The following TSC22D3 variants were observed in gnomAD, a reference collection of about 807,000 sequenced individuals.
TSC22D3 encodes TSC22 domain family protein 3.
A neutral mutation model predicts 11.1 loss-of-function variants in TSC22D3; 4 were observed. That is an observed-to-expected ratio of 0.36 (90% CI 0.18 to 0.83). The LOEUF is 0.83. Ranked by LOEUF, TSC22D3 falls within the 40% of genes least tolerant of loss-of-function variation. The pLI, the probability that TSC22D3 is intolerant of heterozygous loss-of-function variation, is 0.48. For synonymous variants in TSC22D3, 77 were observed against 70.3 expected (o/e 1.10, Z -0.48); for missense variants, 118 against 159.4 (o/e 0.74, Z 1.40).
At chrX:107,762,618 C>T (rs1358553308) in intron 1 of TSC22D3, among the ~76,000 whole-genome samples, 1 of 110,295 alleles carries the variant, frequency 9.1e-6, no homozygotes, top group African/African-American at 3.3e-5. Context: ...CATCAGCTTC[C>T]CCATATGTAT....
Position 107,714,232 on chromosome X carries a change from A to T in TSC22D3, c.*287T>A. The T allele has an allele frequency of 3.6e-6, 1 of 279,055 alleles. No individual in the cohort carries two copies. Among genetic ancestry groups the T allele is most frequent in the Non-Finnish European group, 6.4e-6 (1 of 157,075 alleles). The allele number at this position is 279,055 out of a possible 1,213,427, so 23.0% of individuals were successfully genotyped here. On this transcript the variant is annotated 3_prime_UTR_variant, in exon 3 of 3. Transcript: ENST00000372383. ...ACTACCCTTCTCCTTTGCCAGTTGC[A>T]GCTAAGTTGCCCAGGCCCTGGGAGC...
intron 1 of TSC22D3, among the ~76,000 whole-genome samples, chrX:107,743,154 G>A (rs1223969006): frequency 1.8e-5 from 2 of 112,777 alleles, no homozygotes; most frequent in Non-Finnish European, 3.8e-5. Flanking sequence ...CCTGAGCTAC[G>A]GGAGAAGCCA....
chrX:107,765,506 C>T (rs770956466), intron 1 of TSC22D3, among the ~76,000 whole-genome samples: 75 of 111,853 alleles, frequency 6.7e-4, no homozygotes, highest in African/African-American at 1.6e-3. Context: ...AATCCTCAGT[C>T]GGTACTCAAT....
At chrX:107,733,796 C>T (rs563118684) in intron 1 of TSC22D3, among the ~76,000 whole-genome samples, 14 of 112,165 alleles carry the variant, frequency 1.2e-4, no homozygotes, top group African/African-American at 4.5e-4. Context: ...TCCAAAAACA[C>T]ACCATTGTTT....
chrX:107,766,469 TC>T (rs1929663881), intron 1 of TSC22D3, among the ~76,000 whole-genome samples: 1 of 16,074 alleles, frequency 6.2e-5, no homozygotes, highest in Non-Finnish European at 1.2e-4. Context: ...CCCCAACAAC[TC>T]CCCCCACCCC....
chrX:107,732,961 C>T (rs1450215910), intron 1 of TSC22D3, among the ~76,000 whole-genome samples: 2 of 110,340 alleles, frequency 1.8e-5, no homozygotes, highest in African/African-American at 6.6e-5. Flanking sequence ...ATTAGCCAGG[C>T]ATGGTGGTGC....
intron 1 of TSC22D3, among the ~76,000 whole-genome samples, chrX:107,739,050 G>A (rs778863832): frequency 3.5e-5 from 4 of 112,970 alleles, no homozygotes; most frequent in African/African-American, 6.4e-5. Context: ...GAAAGGAGAG[G>A]AAATAAGGAA....
chrX:107,715,320 G>A (rs930068532), intron 2 of TSC22D3, among the ~76,000 whole-genome samples: 3 of 112,224 alleles, frequency 2.7e-5, no homozygotes, highest in Non-Finnish European at 3.8e-5. Flanking sequence ...CAGAACTGCC[G>A]CATCCTCTCT....
Position 107,775,201 on chromosome X carries a change from C to G in TSC22D3, c.219G>C (p.Ser73=), listed in dbSNP as rs773984814. 1.2e-5 allele frequency: 15 copies of G among 1,211,967 alleles called. No homozygotes were observed. The highest frequency in any genetic ancestry group is 1.7e-5 in the Non-Finnish European group (15 of 895,571). ...AGGGGTCCCGCAGCACCGGCTCTAGCGAATCCTGCCGCATTATGCTGTTGA... is the reference window on the plus strand; with the variant it reads ...AGGGGTCCCGCAGCACCGGCTCTAGGGAATCCTGCCGCATTATGCTGTTGA... The part of the protein sequence containing the change: ...DKLNSIMRQD[S]LEPVLRDPCY... Residue 73 remains serine (S), a synonymous_variant, in exon 1 of 3, where the codon TCG becomes TCC. Coordinates refer to ENST00000372383, the MANE Select transcript of TSC22D3 (RefSeq NM_198057.3).
intron 1 of TSC22D3, among the ~76,000 whole-genome samples, chrX:107,750,055 G>A (rs994907003): frequency 2.1e-4 from 23 of 111,538 alleles, no homozygotes; most frequent in African/African-American, 7.5e-4. Flanking sequence ...GGAGGCTGAG[G>A]CAGGAGGATT....
At chrX:107,761,620 C>A (rs939674525) in intron 1 of TSC22D3, among the ~76,000 whole-genome samples, 3 of 111,739 alleles carry the variant, frequency 2.7e-5, no homozygotes. Flanking sequence ...TTCAGCTGAT[C>A]CTATACACCT....
intron 1 of TSC22D3, among the ~76,000 whole-genome samples, chrX:107,770,715 A>G (rs780969886): frequency 8.9e-6 from 1 of 111,769 alleles, no homozygotes; most frequent in African/African-American, 3.3e-5. Context: ...AAAATCTTAG[A>G]AAAAAATTTG....
At chrX:107,742,860 C>A (rs746255675) in intron 1 of TSC22D3, among the ~76,000 whole-genome samples, 19 of 112,023 alleles carry the variant, frequency 1.7e-4, no homozygotes, top group Admixed American at 1.2e-3. Context: ...AGTATGGGCT[C>A]TTCACATCAT....
chrX:107,721,996 T>C, intron 1 of TSC22D3: 1 of 398,529 alleles, frequency 2.5e-6, no homozygotes, highest in Non-Finnish European at 4.6e-6. Context: ...GGAAGGCCAC[T>C]GCCACTTACA....
chrX:107,718,013 C>T (rs140616596), intron 1 of TSC22D3, among the ~76,000 whole-genome samples: 1,870 of 111,901 alleles, frequency 0.017, 36 homozygotes, highest in African/African-American at 0.057. Flanking sequence ...TTTATATAAA[C>T]GATCCCAGGA....
intron 1 of TSC22D3, among the ~76,000 whole-genome samples, chrX:107,737,944 G>A (rs999584759): frequency 8.9e-6 from 1 of 112,096 alleles, no homozygotes; most frequent in Non-Finnish European, 1.9e-5. Flanking sequence ...TTGATGCATG[G>A]GTGCCTGGGG....
At chrX:107,760,629 C>A (rs1929395354) in intron 1 of TSC22D3, among the ~76,000 whole-genome samples, 1 of 112,397 alleles carries the variant, frequency 8.9e-6, no homozygotes, top group Admixed American at 9.4e-5. Context: ...GTCACCAACC[C>A]TGAAAAGGGA....
intron 1 of TSC22D3, 141 bp from the exon 2 acceptor site, chrX:107,716,091 A>G (rs1443587265): frequency 4.1e-6 from 3 of 728,140 alleles, no homozygotes; most frequent in East Asian, 6.9e-5. Flanking sequence ...AGTTCCGGAC[A>G]GTTTGTCCCC....
At chrX:107,758,559 C>G (rs1009124125) in intron 1 of TSC22D3, among the ~76,000 whole-genome samples, 4 of 111,626 alleles carry the variant, frequency 3.6e-5, no homozygotes, top group African/African-American at 1.3e-4. Context: ...CTGAGTCATG[C>G]AACAGTGGGC....
Sources: gnomAD v4.1 joint callset for allele counts (sites outside exome capture counted in the v4.1 genomes callset) on GRCh38, gnomAD v4.1.1 for gene constraint, MANE v1.5 for transcripts, NCBI Gene and HGNC (gene_info 2026-07-23, HGNC 2026-07-21) for gene names.